Variants in KCNQ3 observed in about 807,000 individuals in gnomAD.
KCNQ3 encodes potassium voltage-gated channel subfamily KQT member 3.
A neutral mutation model predicts 92.5 loss-of-function variants in KCNQ3; 30 were observed. The ratio of observed to expected loss-of-function variants is 0.32; its 90% confidence interval spans 0.24 to 0.44. The LOEUF (loss-of-function observed/expected upper bound fraction) is 0.44. KCNQ3 is among the 20% of genes least tolerant of loss of function. KCNQ3 has a pLI of 1.00. For synonymous variants in KCNQ3, 450 were observed against 468.8 expected (o/e 0.96, Z 0.52); for missense variants, 913 against 1,140.3 (o/e 0.80, Z 2.87).
intron 1 of KCNQ3, among the ~76,000 whole-genome samples, chr8:132,332,708 G>C (rs981042308): frequency 6.6e-6 from 1 of 152,100 alleles, no homozygotes; most frequent in Admixed American, 6.5e-5. Context: ...CTTGTTTCTG[G>C]CTAGCAAAGC....
rs371317720 is a variant in KCNQ3, at chr8:132,351,905, C to G, written c.386+128242G>C. 1.3e-4 allele frequency among the ~76,000 whole-genome samples: 20 copies of G among 152,314 alleles called. 1 individual carries two copies. In the East Asian group the frequency reaches 1.4e-3, roughly 10 times the overall value. ...CAAATCGCTTCTGCTCTCTAAGACT[C>G]AGTTTCTTCAGTTCCATCTGGGGTG... On this transcript the variant is annotated intron_variant, in intron 1 of 14. Transcript: ENST00000388996.
At chr8:132,399,596 A>T (rs1820283963) in intron 1 of KCNQ3, among the ~76,000 whole-genome samples, 1 of 151,980 alleles carries the variant, frequency 6.6e-6, no homozygotes, top group Non-Finnish European at 1.5e-5. Context: ...TCAAGAACTC[A>T]CTCCTCCTGG....
In KCNQ3 at chr8:132,303,606, GTATATATATA is replaced by G. The variant is rs369419617; in HGVS notation, c.387-117435_387-117426del. 6.9e-3 allele frequency among the ~76,000 whole-genome samples: 241 copies of G among 34,964 alleles called. 3 individuals carry two copies. Among genetic ancestry groups the G allele is most frequent in the African/African-American group, 0.018 (176 of 9,892 alleles). 22.9% of individuals were successfully genotyped at this position (34,964 alleles called of 152,430 possible). On this transcript the variant is annotated intron_variant, in intron 1 of 14. Coordinates refer to ENST00000388996, the MANE Select transcript of KCNQ3 (RefSeq NM_004519.4). Reference sequence around the variant, plus strand: ...GTGTGTGTGTATATATATATGGTGTGTATATATATATATATATATATATATGGTGTATATA... The same window carrying G: ...GTGTGTGTGTATATATATATGGTGTGTATATATATATATATGGTGTATATA...
intron 1 of KCNQ3, among the ~76,000 whole-genome samples, chr8:132,404,791 T>C (rs1820434226): frequency 1.3e-5 from 2 of 152,222 alleles, no homozygotes; most frequent in Non-Finnish European, 2.9e-5. Context: ...GGGGACTTAA[T>C]AGTCATCAAG....
Position 132,129,417 on chromosome 8 carries a change from C to G in KCNQ3, c.2464G>C (p.Gly822Arg), listed in dbSNP as rs143789582. ...DRDDYVFGPN[G>R]GSSWMREKRY... Reference sequence around the variant, plus strand: ...TTCTCCCTCATCCAGCTCGACCCCCCATTGGGGCCGAACACATAATCATCT... The same window carrying G: ...TTCTCCCTCATCCAGCTCGACCCCCGATTGGGGCCGAACACATAATCATCT... Residue 822 changes from glycine (G) to arginine (R), a missense_variant, in exon 15 of 15, where the codon GGG (glycine) becomes CGG (arginine). Around this residue, in one of 6 missense-constraint regions of KCNQ3, gnomAD observed 375 missense variants for 376.4 expected, o/e 1.00. Transcript: ENST00000388996. This position sits in a 1 kb window ranked among gnomAD's most constrained non-coding sequence, Gnocchi z 5.9. The G allele has an allele frequency of 1.9e-6, 3 of 1,614,100 alleles. No homozygotes were observed. The highest frequency in any genetic ancestry group is 1.3e-5 in the African/African-American group (1 of 74,942).
At chr8:132,176,253 A>C (rs967981406) in intron 4 of KCNQ3, among the ~76,000 whole-genome samples, 2 of 152,238 alleles carry the variant, frequency 1.3e-5, no homozygotes, top group African/African-American at 4.8e-5. Flanking sequence ...ATAGACTAGG[A>C]CATATGACTA....
intron 1 of KCNQ3, among the ~76,000 whole-genome samples, chr8:132,389,531 T>C (rs766951957): frequency 6.6e-6 from 1 of 152,164 alleles, no homozygotes; most frequent in Non-Finnish European, 1.5e-5. Context: ...GAAAAGGCAT[T>C]TGCTGCACAT....
intron 3 of KCNQ3, 37 bp from the exon 4 acceptor site, chr8:132,180,366 G>A: frequency 1.2e-6 from 2 of 1,610,384 alleles, no homozygotes; most frequent in Non-Finnish European, 8.5e-7. Context: ...AGGGAAGAGG[G>A]AAAGGAAGGT....
intron 1 of KCNQ3, among the ~76,000 whole-genome samples, chr8:132,263,889 AC>A (rs1815874883): frequency 6.6e-6 from 1 of 152,082 alleles, no homozygotes; most frequent in Non-Finnish European, 1.5e-5. Context: ...TCTTCGGGTC[AC>A]CCTGAGCCAC....
chr8:132,196,139 C>T (rs1586820719), intron 1 of KCNQ3, among the ~76,000 whole-genome samples: 3 of 152,106 alleles, frequency 2.0e-5, no homozygotes, highest in South Asian at 4.1e-4. Flanking sequence ...TTCAAAATTC[C>T]GTTCTTCTCC....
intron 9 of KCNQ3, among the ~76,000 whole-genome samples, chr8:132,158,140 G>T (rs1825865094): frequency 6.6e-6 from 1 of 152,192 alleles, no homozygotes; most frequent in African/African-American, 2.4e-5. Flanking sequence ...CTGGGATAAT[G>T]TTGCAGGGTC....
chr8:132,283,111 G>C (rs1333466462), intron 1 of KCNQ3, among the ~76,000 whole-genome samples: 1 of 152,056 alleles, frequency 6.6e-6, no homozygotes, highest in East Asian at 1.9e-4. Flanking sequence ...GTGTGTGTGT[G>C]TGTGTGTGTT....
At chr8:132,149,772 G>A (rs908953744) in intron 9 of KCNQ3, among the ~76,000 whole-genome samples, 1 of 152,090 alleles carries the variant, frequency 6.6e-6, no homozygotes, top group Non-Finnish European at 1.5e-5. Flanking sequence ...TGCCTCATGT[G>A]TGTGCAGTGT....
intron 1 of KCNQ3, among the ~76,000 whole-genome samples, chr8:132,361,647 T>C (rs1248185309): frequency 6.6e-6 from 1 of 152,128 alleles, no homozygotes; most frequent in African/African-American, 2.4e-5. Context: ...GGGTCAACAT[T>C]AATAGCAACC....
At chr8:132,264,567 C>T (rs1272907576) in intron 1 of KCNQ3, among the ~76,000 whole-genome samples, 1 of 152,182 alleles carries the variant, frequency 6.6e-6, no homozygotes, top group Non-Finnish European at 1.5e-5. Context: ...CCTTGAAATC[C>T]ATATCAGAAT....
In KCNQ3 at chr8:132,125,328, C is replaced by G. The variant is rs1295856176; in HGVS notation, c.*3934G>C. On this transcript the variant is annotated 3_prime_UTR_variant, in exon 15 of 15. Transcript: ENST00000388996. Reference sequence around the variant, plus strand: ...TGTTCAATTTTCTATAGTTTCCAAGCTAGGAAGCATTTCTGTCTGTATAGA... The same window carrying G: ...TGTTCAATTTTCTATAGTTTCCAAGGTAGGAAGCATTTCTGTCTGTATAGA... 1.3e-5 allele frequency: 2 copies of G among 152,142 alleles called. No homozygotes were observed. The highest frequency in any genetic ancestry group is 3.8e-4 in the East Asian group (2 of 5,200). The allele number at this position is 152,142 out of a possible 1,614,324, so 9.4% of individuals were successfully genotyped here. A position where few individuals can be genotyped will look rare whatever the true frequency, so the allele number is the denominator to read the frequency against.
chr8:132,416,628 A>T (rs567681277), intron 1 of KCNQ3, among the ~76,000 whole-genome samples: 9 of 152,202 alleles, frequency 5.9e-5, no homozygotes, highest in Non-Finnish European at 1.0e-4. Context: ...TCTCAAACAA[A>T]CAAACAAAAA....
intron 1 of KCNQ3, among the ~76,000 whole-genome samples, chr8:132,457,792 T>C (rs1362973827): frequency 3.3e-5 from 5 of 152,156 alleles, no homozygotes; most frequent in Non-Finnish European, 7.3e-5. Context: ...TGCTATCCTA[T>C]GGTCACAGTG....
chr8:132,155,059 T>C (rs544549772), intron 9 of KCNQ3, among the ~76,000 whole-genome samples: 7 of 152,214 alleles, frequency 4.6e-5, no homozygotes, highest in Non-Finnish European at 1.0e-4. Context: ...TTCTCTCGTT[T>C]CTGGTAGAGC....
Sources: allele counts gnomAD v4.1 joint callset (sites outside exome capture counted in the v4.1 genomes callset), GRCh38; gene constraint gnomAD v4.1.1; regional missense constraint gnomAD v4.1.1; non-coding constraint Gnocchi (gnomAD v3.1); transcripts MANE v1.5; gene names NCBI Gene and HGNC (gene_info 2026-07-23, HGNC 2026-07-21).